Variants in NCOA7 observed in about 807,000 individuals in gnomAD.
NCOA7 encodes the protein nuclear receptor coactivator 7, also known as 140 kDa estrogen receptor-associated protein.
NCOA7 carries 45 observed loss-of-function variants against 104.3 expected under a neutral mutation model. That is an observed-to-expected ratio of 0.43 (90% CI 0.34 to 0.55). The LOEUF is 0.55. Ranked by LOEUF, NCOA7 falls within the 20% of genes least tolerant of loss-of-function variation. The probability of loss-of-function intolerance (pLI) is 0.02; values close to 1 mark genes in which losing one functional copy is unlikely to be tolerated. For synonymous variants in NCOA7, 398 were observed against 402.3 expected (o/e 0.99, Z 0.13); for missense variants, 1,041 against 1,119.7 (o/e 0.93, Z 1.00).
chr6:125,800,050 G>A (rs1011301980), intron 1 of NCOA7, among the ~76,000 whole-genome samples: 2 of 152,310 alleles, frequency 1.3e-5, no homozygotes, highest in African/African-American at 2.4e-5. Context: ...ATTGCAGAGA[G>A]CACCACAGTT....
chr6:125,800,107 A>C (rs1361363571), intron 1 of NCOA7, among the ~76,000 whole-genome samples: 1 of 152,252 alleles, frequency 6.6e-6, no homozygotes, highest in East Asian at 1.9e-4. Context: ...TATACAAATT[A>C]ATCCTGGTTG....
At chr6:125,857,972 A>G (rs1392812325) in intron 3 of NCOA7, among the ~76,000 whole-genome samples, 5 of 151,736 alleles carry the variant, frequency 3.3e-5, no homozygotes, top group African/African-American at 1.2e-4. Flanking sequence ...CGCGTGTGTA[A>G]TGCTGAGTCT....
intron 2 of NCOA7, among the ~76,000 whole-genome samples, chr6:125,819,725 C>A (rs1282792917): frequency 1.3e-5 from 2 of 152,148 alleles, no homozygotes; most frequent in Non-Finnish European, 2.9e-5. Flanking sequence ...ATTTGTTACA[C>A]CCCTGCTGAC....
At chr6:125,805,395 C>T (rs1776351174) in intron 1 of NCOA7, among the ~76,000 whole-genome samples, 1 of 151,838 alleles carries the variant, frequency 6.6e-6, no homozygotes. Flanking sequence ...GTGCCCAGCC[C>T]CTGTCTTGTT....
intron 10 of NCOA7, among the ~76,000 whole-genome samples, chr6:125,914,320 A>T (rs889911024): frequency 6.6e-6 from 1 of 152,354 alleles, no homozygotes; most frequent in Admixed American, 6.5e-5. Flanking sequence ...AATGTTAAAT[A>T]CAACAGTTAT....
chr6:125,850,026 C>T (rs571697695), intron 2 of NCOA7, among the ~76,000 whole-genome samples: 1 of 152,142 alleles, frequency 6.6e-6, no homozygotes, highest in South Asian at 2.1e-4. Flanking sequence ...GATAGCAAAT[C>T]CGTATTGTGA....
At chr6:125,926,772 T>G (rs1788073991) in intron 13 of NCOA7, among the ~76,000 whole-genome samples, 1 of 152,202 alleles carries the variant, frequency 6.6e-6, no homozygotes, top group African/African-American at 2.4e-5. Context: ...TGCTATGACA[T>G]TTTCCAGATA....
intron 7 of NCOA7, among the ~76,000 whole-genome samples, chr6:125,884,053 C>G (rs905517612): frequency 2.0e-5 from 3 of 152,148 alleles, no homozygotes. Context: ...ATTCTACTCT[C>G]TACTTCTAGG....
At chr6:125,837,188 A>G (rs1397632732) in intron 2 of NCOA7, among the ~76,000 whole-genome samples, 1 of 152,002 alleles carries the variant, frequency 6.6e-6, no homozygotes, top group Non-Finnish European at 1.5e-5. Context: ...ATGAAATTTG[A>G]CATAGATAAC....
intron 7 of NCOA7, among the ~76,000 whole-genome samples, chr6:125,884,362 C>A (rs1784091077): frequency 6.6e-6 from 1 of 152,094 alleles, no homozygotes; most frequent in South Asian, 2.1e-4. Flanking sequence ...TGGATATATA[C>A]CCAGTAATGA....
At position 125,893,968 on chromosome 6, in the gene NCOA7, A is replaced by C. The variant is rs192004297; in HGVS notation, c.2096+3158A>C. The stretch of plus-strand genomic sequence containing the variant: ...CAGGTCATTCTCTTGAGACAGCTGA[A>C]GATAATAGTGGTGTGCTGGGGAGAT... On this transcript the variant is annotated intron_variant, in intron 10 of 15. Transcript: ENST00000392477. Among the ~76,000 whole-genome samples the C allele has an allele frequency of 8.5e-5, 13 of 152,288 alleles. No homozygotes were observed. The East Asian group carries it at 2.5e-3, about 29-fold the overall frequency.
At chr6:125,820,497 T>A (rs546779960) in intron 2 of NCOA7, among the ~76,000 whole-genome samples, 1 of 152,256 alleles carries the variant, frequency 6.6e-6, no homozygotes, top group Non-Finnish European at 1.5e-5. Context: ...CCCCTTATTC[T>A]CTTTTCCATG....
At chr6:125,894,827 A>G (rs2128664587) in intron 10 of NCOA7, among the ~76,000 whole-genome samples, 1 of 152,142 alleles carries the variant, frequency 6.6e-6, no homozygotes, top group East Asian at 1.9e-4. Flanking sequence ...TTAAAAATGT[A>G]GATGATTGTA....
chr6:125,839,214 T>C (rs546084576), intron 2 of NCOA7, among the ~76,000 whole-genome samples: 1 of 152,182 alleles, frequency 6.6e-6, no homozygotes, highest in Admixed American at 6.5e-5. Flanking sequence ...GCCTCCCGGG[T>C]TCAAGCAATT....
At chr6:125,882,220 T>C (rs1486980912) in intron 6 of NCOA7, among the ~76,000 whole-genome samples, 1 of 151,720 alleles carries the variant, frequency 6.6e-6, no homozygotes, top group Non-Finnish European at 1.5e-5. Context: ...TGCCTTTGCT[T>C]TTTTTAAAAG....
At chr6:125,902,045 G>A (rs1785549029) in intron 10 of NCOA7, among the ~76,000 whole-genome samples, 1 of 152,072 alleles carries the variant, frequency 6.6e-6, no homozygotes, top group Non-Finnish European at 1.5e-5. Context: ...CTGCTTCTCT[G>A]CCAGTGGAGC....
Position 125,881,118 on chromosome 6 carries a change from C to T in NCOA7, c.488C>T (p.Pro163Leu). Residue 163 changes from proline (P) to leucine (L), a missense_variant, in exon 6 of 16, where the codon CCT (proline) becomes CTT (leucine). Coordinates refer to ENST00000392477, the MANE Select transcript of NCOA7 (RefSeq NM_181782.5). ...QVLFVPDANS[P>L]SSTLRLSSSS... ...CTTTTTGTGCCAGATGCCAACTCTC[C>T]TTCCAGTACCTTAAGGCTATCATCA... 1 of 1,614,024 alleles carries T rather than the reference C, an allele frequency of 6.2e-7. No individual in the cohort carries two copies. The highest frequency in any genetic ancestry group is 8.5e-7 in the Non-Finnish European group (1 of 1,179,924).
At position 125,862,037 on chromosome 6, in the gene NCOA7, C is replaced by CAAA. The variant is rs56389001; in HGVS notation, c.271+6822_271+6824dup. Among the ~76,000 whole-genome samples, 12 of 63,752 alleles carry CAAA rather than the reference C, an allele frequency of 1.9e-4. 1 individual carries two copies. Among genetic ancestry groups the CAAA allele is most frequent in the South Asian group, 1.3e-3 (3 of 2,232 alleles). 41.8% of individuals were successfully genotyped at this position (63,752 alleles called of 152,430 possible). ...GGGCAACAAGAGTGAAACTCTTTCT[C>CAAA]AAAAAAAAAAAAAAAAAAAAAAAAA... On this transcript the variant is annotated intron_variant, in intron 3 of 15. Coordinates refer to ENST00000392477, the MANE Select transcript of NCOA7 (RefSeq NM_181782.5).
At chr6:125,840,359 A>T (rs1043643578) in intron 2 of NCOA7, among the ~76,000 whole-genome samples, 1 of 151,952 alleles carries the variant, frequency 6.6e-6, no homozygotes, top group Non-Finnish European at 1.5e-5. Flanking sequence ...TTTATTATTG[A>T]ATGAGGGAAA....
Sources: allele counts gnomAD v4.1 joint callset (sites outside exome capture counted in the v4.1 genomes callset), GRCh38; gene constraint gnomAD v4.1.1; transcripts MANE v1.5; gene names NCBI Gene and HGNC (gene_info 2026-07-23, HGNC 2026-07-21).